Variants in CHRNA4 observed in about 807,000 individuals in gnomAD.
CHRNA4 encodes cholinergic receptor nicotinic alpha 4 subunit, also known as neuronal acetylcholine receptor subunit alpha-4.
CHRNA4 carries 28 observed loss-of-function variants against 48.9 expected under a neutral mutation model. The ratio of observed to expected loss-of-function variants is 0.57; its 90% CI spans 0.42 to 0.79. CHRNA4 has a LOEUF of 0.79. Ranked by LOEUF, CHRNA4 falls within the 30% of genes least tolerant of loss-of-function variation. The probability of loss-of-function intolerance (pLI) is 0.00; values close to 1 mark genes in which losing one functional copy is unlikely to be tolerated. For missense variants in CHRNA4, 859 were observed against 898.4 expected (o/e 0.96, Z 0.56); for synonymous variants, 425 against 402.3 (o/e 1.06, Z -0.68).
rs1279429508 is a variant in CHRNA4 at position 63,351,235 on chromosome 20, C to CCCACGTCCACGT, written c.384-220_384-209dup. 13 of 381,634 alleles carry CCCACGTCCACGT rather than the reference C, an allele frequency of 3.4e-5. No homozygotes were observed. The African/African-American group carries it at 4.0e-4, about 12-fold the overall frequency. The allele number at this position is 381,634 out of a possible 1,614,324, so 23.6% of individuals were successfully genotyped here. A position where few individuals can be genotyped will look rare whatever the true frequency, so the allele number is the denominator to read the frequency against. ...GTCCACGTCCACGCCCACATCCACA[C>CCCACGTCCACGT]CCACGTCCACGTCCACGTCCACGTC... On this transcript the variant is annotated intron_variant, in intron 4 of 5. Transcript: ENST00000370263.
At chr20:63,349,387 G>A (rs2068545585) in intron 5 of CHRNA4, 5 of 577,192 alleles carry the variant, frequency 8.7e-6, no homozygotes, top group South Asian at 2.1e-5. Flanking sequence ...GCCGTCCGCC[G>A]AGGCCCACTG....
At chr20:63,358,393 G>A (rs1045345618) in intron 2 of CHRNA4, among the ~76,000 whole-genome samples, 3 of 152,318 alleles carry the variant, frequency 2.0e-5, no homozygotes, top group South Asian at 2.1e-4. Context: ...TACCCAACAC[G>A]CACGGCACCA....
rs2123462086 is a variant in CHRNA4 at position 63,345,912 on chromosome 20, A to G, written c.*826T>C. On this transcript the variant is annotated 3_prime_UTR_variant, in exon 6 of 6. Transcript: ENST00000370263. The surrounding 1 kb of genome is among the most constrained non-coding windows in gnomAD (Gnocchi z 5.4). ...AAGTACCCCAGGGGCTGAAGCCACTAGGCCCCCGTGGAGCCCTGGCCACCT... is the reference window on the plus strand; with the variant it reads ...AAGTACCCCAGGGGCTGAAGCCACTGGGCCCCCGTGGAGCCCTGGCCACCT... 2.2e-6 allele frequency: 1 copy of G among 453,830 alleles called. No individual in the cohort carries two copies. The highest frequency in any genetic ancestry group is 4.4e-6 in the Non-Finnish European group (1 of 226,616). The allele number at this position is 453,830 out of a possible 1,614,324, so 28.1% of individuals were successfully genotyped here.
intron 4 of CHRNA4, 61 bp downstream of exon 4, chr20:63,355,914 G>T: frequency 1.3e-6 from 2 of 1,597,766 alleles, no homozygotes; most frequent in Non-Finnish European, 1.7e-6. Flanking sequence ...GCAGGGGCAG[G>T]CCCTGGCCAC....
At chr20:63,352,375 G>A (rs1601481700) in intron 4 of CHRNA4, among the ~76,000 whole-genome samples, 1 of 152,104 alleles carries the variant, frequency 6.6e-6, no homozygotes, top group Non-Finnish European at 1.5e-5. Context: ...GGCCCCCCAC[G>A]GTCTCAGTCG....
In CHRNA4 at chr20:63,344,931, G is replaced by A; in HGVS notation, c.*1807C>T. On this transcript the variant is annotated 3_prime_UTR_variant, in exon 6 of 6. Coordinates refer to ENST00000370263, the MANE Select transcript of CHRNA4 (RefSeq NM_000744.7). The surrounding 1 kb of genome is among the most constrained non-coding windows in gnomAD (Gnocchi z 4.5). ...GGGCCAGGGGGCTGGGGATGCCCAGGATTTGGCACGGGGGTCTCTGTGTCC... is the reference window on the plus strand; with the variant it reads ...GGGCCAGGGGGCTGGGGATGCCCAGAATTTGGCACGGGGGTCTCTGTGTCC... The A allele has an allele frequency of 2.5e-6, 1 of 403,976 alleles. No individual in the cohort carries two copies. Among genetic ancestry groups the A allele is most frequent in the Non-Finnish European group, 5.0e-6 (1 of 198,028 alleles). 25.0% of individuals were successfully genotyped at this position (403,976 alleles called of 1,614,324 possible).
Position 63,345,265 on chromosome 20 carries a change from C to A in CHRNA4, c.*1473G>T, listed in dbSNP as rs201790457. On this transcript the variant is annotated 3_prime_UTR_variant, in exon 6 of 6. Coordinates refer to ENST00000370263, the MANE Select transcript of CHRNA4 (RefSeq NM_000744.7). This position sits in a 1 kb window ranked among gnomAD's most constrained non-coding sequence, Gnocchi z 5.4. The stretch of plus-strand genomic sequence containing the variant: ...AGCCCAACCCCATCCCCACCCCTGG[C>A]TGGATGGGGTCTGGGGGCAGCAGAA... The A allele has an allele frequency of 1.1e-4, 50 of 452,396 alleles. No homozygotes were observed. The highest frequency in any genetic ancestry group is 8.4e-4 in the African/African-American group (42 of 50,062). 28.0% of individuals were successfully genotyped at this position (452,396 alleles called of 1,614,324 possible).
At position 63,344,992 on chromosome 20, in the gene CHRNA4, C is replaced by A. The variant is rs1177906914; in HGVS notation, c.*1746G>T. On this transcript the variant is annotated 3_prime_UTR_variant, in exon 6 of 6. Transcript: ENST00000370263. The surrounding 1 kb of genome is among the most constrained non-coding windows in gnomAD (Gnocchi z 4.5). Reference sequence around the variant, plus strand: ...TGGCACAAAAGCCCCAGCCTCAGGACCCCGGTCACAGGCACCCGGGGGTGG... The same window carrying A: ...TGGCACAAAAGCCCCAGCCTCAGGAACCCGGTCACAGGCACCCGGGGGTGG... The A allele has an allele frequency of 9.2e-6, 4 of 434,934 alleles. No individual in the cohort carries two copies. Among genetic ancestry groups the A allele is most frequent in the African/African-American group, 4.0e-5 (2 of 49,792 alleles). The allele number at this position is 434,934 out of a possible 1,614,324, so 26.9% of individuals were successfully genotyped here. A position where few individuals can be genotyped will look rare whatever the true frequency, so the allele number is the denominator to read the frequency against.
rs1243100333 is a variant in CHRNA4 at position 63,344,427 on chromosome 20, A to T, written c.*2311T>A. The T allele has an allele frequency of 4.4e-6, 2 of 453,356 alleles. No homozygotes were observed. Among genetic ancestry groups the T allele is most frequent in the African/African-American group, 4.0e-5 (2 of 49,748 alleles). 28.1% of individuals were successfully genotyped at this position (453,356 alleles called of 1,614,324 possible). A position where few individuals can be genotyped will look rare whatever the true frequency, so the allele number is the denominator to read the frequency against. ...CAGCACTGGACGCAAATACGCCAACATTGTTGTCAAGGTTAATTTGGCGTG... is the reference window on the plus strand; with the variant it reads ...CAGCACTGGACGCAAATACGCCAACTTTGTTGTCAAGGTTAATTTGGCGTG... On this transcript the variant is annotated 3_prime_UTR_variant, in exon 6 of 6. Coordinates refer to ENST00000370263, the MANE Select transcript of CHRNA4 (RefSeq NM_000744.7). The surrounding 1 kb of genome is among the most constrained non-coding windows in gnomAD (Gnocchi z 4.5).
chr20:63,355,910 G>A, intron 4 of CHRNA4, 65 bp downstream of exon 4: 1 of 1,590,564 alleles, frequency 6.3e-7, no homozygotes, highest in Non-Finnish European at 8.6e-7. Context: ...CTGGGCAGGG[G>A]CAGGCCCTGG....
At chr20:63,354,593 G>A (rs1190699283) in intron 4 of CHRNA4, 8 of 422,056 alleles carry the variant, frequency 1.9e-5, no homozygotes, top group South Asian at 1.1e-4. Flanking sequence ...AAGTGGGGGG[G>A]GCTGCAGTAC....
In CHRNA4 at chr20:63,344,128, G is replaced by C; in HGVS notation, c.*2610C>G. ...AAGAACACTGCTCACAATTAAAAAC[G>C]AAGGAACAGACAGCAAGGAGCTACG... On this transcript the variant is annotated 3_prime_UTR_variant, in exon 6 of 6. Coordinates refer to ENST00000370263, the MANE Select transcript of CHRNA4 (RefSeq NM_000744.7). The surrounding 1 kb of genome is among the most constrained non-coding windows in gnomAD (Gnocchi z 4.5). The C allele has an allele frequency of 2.2e-6, 1 of 454,122 alleles. No individual in the cohort carries two copies. Among genetic ancestry groups the C allele is most frequent in the South Asian group, 1.6e-5 (1 of 64,470 alleles). The allele number at this position is 454,122 out of a possible 1,614,324, so 28.1% of individuals were successfully genotyped here.
chr20:63,344,200 A>C lies in CHRNA4; in HGVS notation c.*2538T>G. ...GAAGCTCTAAGTCATAGGATGAAGA[A>C]GCCAGACATCAAAGGCTCCAACTGC... On this transcript the variant is annotated 3_prime_UTR_variant, in exon 6 of 6. Transcript: ENST00000370263. The surrounding 1 kb of genome is among the most constrained non-coding windows in gnomAD (Gnocchi z 4.5). 2.2e-6 allele frequency: 1 copy of C among 454,078 alleles called. No individual in the cohort carries two copies. Among genetic ancestry groups the C allele is most frequent in the Non-Finnish European group, 4.4e-6 (1 of 226,784 alleles). The allele number at this position is 454,078 out of a possible 1,614,324, so 28.1% of individuals were successfully genotyped here.
chr20:63,357,822 T>TA (rs1568818242), intron 2 of CHRNA4, among the ~76,000 whole-genome samples: 1 of 152,220 alleles, frequency 6.6e-6, no homozygotes, highest in South Asian at 2.1e-4. Flanking sequence ...CATGTTCGTG[T>TA]AAGTCCTTAG....
chr20:63,349,235 G>A (rs182103853), intron 5 of CHRNA4, among the ~76,000 whole-genome samples: 143 of 152,294 alleles, frequency 9.4e-4, no homozygotes, highest in Non-Finnish European at 1.7e-3. Flanking sequence ...GGGGAGGCCC[G>A]CGGGGCAGGC....
In CHRNA4 at chr20:63,350,055, G is replaced by A. The variant is rs1318975171; in HGVS notation, c.1356C>T (p.Pro452=). 4 of 1,512,590 alleles carry A rather than the reference G, an allele frequency of 2.6e-6. No homozygotes were observed. Among genetic ancestry groups the A allele is most frequent in the Non-Finnish European group, 2.7e-6 (3 of 1,129,244 alleles). The allele number at this position is 1,512,590 out of a possible 1,614,324, so 93.7% of individuals were successfully genotyped here. Residue 452 remains proline, a synonymous_variant, in exon 5 of 6, where the codon CCC becomes CCT. Transcript: ENST00000370263. ...PHPSPGPCRP[P]HGTQAPGLAK... is the part of the protein sequence containing the mutation. ...CCAGCCCTGGTGCCTGGGTGCCGTG[G>A]GGCGGGCGGCAGGGTCCAGGCGAGG...
rs540812496 is a variant in CHRNA4 at position 63,349,473 on chromosome 20, G to A, written c.1758+180C>T. On this transcript the variant is annotated intron_variant, in intron 5 of 5. Transcript: ENST00000370263. ...GGGCCCCCTGCCCCGCTCAGCCTGG[G>A]ACCTGCGGCCACATAGCAGGCTTGG... 6.2e-5 allele frequency: 50 copies of A among 812,318 alleles called. No homozygotes were observed. The African/African-American group carries it at 8.5e-4, about 14-fold the overall frequency. 50.3% of individuals were successfully genotyped at this position (812,318 alleles called of 1,614,324 possible).
chr20:63,358,428 C>T (rs891550157), intron 2 of CHRNA4, among the ~76,000 whole-genome samples: 1 of 152,236 alleles, frequency 6.6e-6, no homozygotes, highest in African/African-American at 2.4e-5. Context: ...GGAAATTCTC[C>T]CGCAACCCGG....
chr20:63,357,227 GACC>G (rs1249298691), intron 2 of CHRNA4, among the ~76,000 whole-genome samples: 11 of 149,116 alleles, frequency 7.4e-5, no homozygotes, highest in Non-Finnish European at 1.3e-4. Context: ...GTCCCCACAG[GACC>G]ACGTCCCACA....
Sources: gnomAD v4.1 joint callset for allele counts (sites outside exome capture counted in the v4.1 genomes callset) on GRCh38, gnomAD v4.1.1 for gene constraint, Gnocchi (gnomAD v3.1) non-coding constraint, MANE v1.5 for transcripts, NCBI Gene and HGNC (gene_info 2026-07-23, HGNC 2026-07-21) for gene names.